Variants in IFI27L1 observed in about 807,000 individuals in gnomAD.
IFI27L1 encodes the protein interferon alpha-inducible protein 27-like protein 1.
In IFI27L1, 3 loss-of-function variants were observed where a neutral mutation model predicts 9.2. The ratio of observed to expected loss-of-function variants is 0.32; its 90% confidence interval spans 0.15 to 0.84. IFI27L1 has a LOEUF of 0.84. Among genes scored for constraint, IFI27L1 ranks in the 40% least tolerant of loss-of-function variants. The probability of loss-of-function intolerance (pLI) is 0.56; values close to 1 mark genes in which losing one functional copy is unlikely to be tolerated. For synonymous variants in IFI27L1, 53 were observed against 50.0 expected, an observed-to-expected ratio of 1.06 and a Z score of -0.26; for missense variants, 133 against 134.2, an observed-to-expected ratio of 0.99 and a Z score of 0.05.
intron 2 of IFI27L1, among the ~76,000 whole-genome samples, chr14:94,098,546 T>C (rs1886762046): frequency 6.6e-6 from 1 of 152,220 alleles, no homozygotes; most frequent in South Asian, 2.1e-4. Context: ...GACTCGAACA[T>C]ATCTTTTCGG....
chr14:94,100,051 G>T (rs541693015), intron 2 of IFI27L1, among the ~76,000 whole-genome samples: 1 of 152,310 alleles, frequency 6.6e-6, no homozygotes, highest in African/African-American at 2.4e-5. Flanking sequence ...CAGGCCTAGG[G>T]TTTGACTGAG....
At chr14:94,096,741 A>C in intron 1 of IFI27L1, 146 bp from the exon 2 acceptor site, 1 of 502,868 alleles carries the variant, frequency 2.0e-6, no homozygotes, top group Admixed American at 3.3e-5. Flanking sequence ...TAGGGTAGTT[A>C]CTCAAAAGTG....
intron 1 of IFI27L1, among the ~76,000 whole-genome samples, chr14:94,083,757 TGAGTA>T (rs1180703827): frequency 1.3e-5 from 2 of 152,200 alleles, no homozygotes; most frequent in Non-Finnish European, 2.9e-5. Context: ...AATAAAGAGT[TGAGTA>T]AATTGTTTTG....
At chr14:94,088,528 C>A (rs1022506516) in intron 1 of IFI27L1, among the ~76,000 whole-genome samples, 3 of 140,492 alleles carry the variant, frequency 2.1e-5, no homozygotes, top group Non-Finnish European at 4.5e-5. Context: ...GAGACAGAGT[C>A]TTGCTCTGTC....
chr14:94,100,561 C>T (rs1449856141), intron 2 of IFI27L1, 178 bp from the exon 3 acceptor site: 13 of 985,382 alleles, frequency 1.3e-5, no homozygotes, highest in Non-Finnish European at 1.6e-5. Context: ...GAAGGTGCCA[C>T]GTGCAGAGCC....
intron 2 of IFI27L1, among the ~76,000 whole-genome samples, chr14:94,098,080 G>A (rs902290847): frequency 1.2e-4 from 18 of 152,198 alleles, no homozygotes; most frequent in African/African-American, 3.9e-4. Context: ...GGCTAGTATG[G>A]CAGGGGGAAA....
chr14:94,096,124 C>T (rs1233315829), intron 1 of IFI27L1, among the ~76,000 whole-genome samples: 1 of 152,108 alleles, frequency 6.6e-6, no homozygotes, highest in Non-Finnish European at 1.5e-5. Flanking sequence ...TTCTATTTGT[C>T]CCCCAGGACA....
chr14:94,091,758 A>AT (rs1279423130), intron 1 of IFI27L1, among the ~76,000 whole-genome samples: 1 of 152,168 alleles, frequency 6.6e-6, no homozygotes, highest in Non-Finnish European at 1.5e-5. Context: ...TTTCCAAACA[A>AT]TCTCTTTCCT....
intron 1 of IFI27L1, chr14:94,088,958 T>C (rs2141448062): frequency 6.6e-6 from 1 of 152,334 alleles, no homozygotes; most frequent in East Asian, 1.9e-4. Flanking sequence ...CTCTTAACCT[T>C]CATGATAAAT....
chr14:94,086,571 T>TA (rs1567066617), intron 1 of IFI27L1, among the ~76,000 whole-genome samples: 1 of 152,006 alleles, frequency 6.6e-6, no homozygotes, highest in Non-Finnish European at 1.5e-5. Context: ...GCAGAGAGCT[T>TA]AAAAAAAGAG....
At chr14:94,091,287 A>G (rs1006874708) in intron 1 of IFI27L1, among the ~76,000 whole-genome samples, 2 of 152,216 alleles carry the variant, frequency 1.3e-5, no homozygotes, top group Admixed American at 6.5e-5. Flanking sequence ...TATAGCCACA[A>G]TTGGCTAGAA....
In IFI27L1 at chr14:94,082,520, G is replaced by A. The variant is rs149950465; in HGVS notation, c.-52+1071G>A. 9.9e-3 allele frequency among the ~76,000 whole-genome samples: 1,501 copies of A among 152,350 alleles called. 100 individuals are homozygous for A. Among genetic ancestry groups the A allele is most frequent in the Admixed American group, 0.089 (1,358 of 15,298 alleles). On this transcript the variant is annotated intron_variant, in intron 1 of 4. Transcript: ENST00000555523. ...ATCAAGGACTTTCATAGCTAGAGAG[G>A]TCAATGTCTGGCCTCAAAGGCCAAG...
At chr14:94,099,804 C>T (rs867494427) in intron 2 of IFI27L1, among the ~76,000 whole-genome samples, 15 of 151,638 alleles carry the variant, frequency 9.9e-5, no homozygotes, top group African/African-American at 2.2e-4. Flanking sequence ...GGGGGCTGCT[C>T]GCTGTAGGGA....
At chr14:94,090,063 T>C (rs1007826852) in intron 1 of IFI27L1, among the ~76,000 whole-genome samples, 1 of 152,186 alleles carries the variant, frequency 6.6e-6, no homozygotes, top group Admixed American at 6.5e-5. Flanking sequence ...TAAGCAAAAT[T>C]ATCCCAAGTA....
chr14:94,087,683 C>G (rs1886328557), intron 1 of IFI27L1, among the ~76,000 whole-genome samples: 1 of 152,054 alleles, frequency 6.6e-6, no homozygotes, highest in South Asian at 2.1e-4. Flanking sequence ...GCCTCGGCCT[C>G]CCAAAGTGCT....
intron 2 of IFI27L1, 173 bp from the exon 3 acceptor site, chr14:94,100,566 A>G (rs1452221943): frequency 1.0e-5 from 10 of 985,328 alleles, no homozygotes; most frequent in Non-Finnish European, 1.2e-5. Context: ...TGCCACGTGC[A>G]GAGCCCTGAG....
chr14:94,096,850 A>G, intron 1 of IFI27L1, 37 bp from the exon 2 acceptor site: 1 of 1,231,386 alleles, frequency 8.1e-7, no homozygotes, highest in Non-Finnish European at 1.2e-6. Context: ...GCTTTATTCA[A>G]ACCAGATCCT....
At chr14:94,090,407 T>C (rs1886432787) in intron 1 of IFI27L1, among the ~76,000 whole-genome samples, 1 of 152,244 alleles carries the variant, frequency 6.6e-6, no homozygotes. Context: ...TTTGGTTTAT[T>C]ATACCTGGCC....
chr14:94,100,682 A>G lies in IFI27L1; in HGVS notation c.29-57A>G, dbSNP rs556481548. On this transcript the variant is annotated intron_variant, in intron 2 of 4. Coordinates refer to ENST00000555523, the MANE Select transcript of IFI27L1 (RefSeq NM_206949.3). Reference sequence around the variant, plus strand: ...GAGATGGGGGTATCAGAGAGTACCCACTCCCATAGGTTTGTGTTTGTTTGT... The same window carrying G: ...GAGATGGGGGTATCAGAGAGTACCCGCTCCCATAGGTTTGTGTTTGTTTGT... 1.1e-4 allele frequency: 183 copies of G among 1,606,372 alleles called. No individual in the cohort carries two copies. In the African/African-American group the frequency reaches 2.2e-3, roughly 19 times the overall value.
Sources: allele counts gnomAD v4.1 joint callset (sites outside exome capture counted in the v4.1 genomes callset), GRCh38; gene constraint gnomAD v4.1.1; transcripts MANE v1.5; gene names NCBI Gene and HGNC (gene_info 2026-07-23, HGNC 2026-07-21).